TENM3: variants seen among roughly 807,000 people sequenced by gnomAD.
TENM3 encodes the protein teneurin-3.
TENM3 carries 63 observed loss-of-function variants against 255.1 expected under a neutral mutation model. That is an observed-to-expected ratio of 0.25 (90% CI 0.20 to 0.30). The LOEUF is 0.30. Ranked by LOEUF, TENM3 falls within the 10% of genes least tolerant of loss-of-function variation. The pLI is 1.00. For missense variants in TENM3, 2,929 were observed against 3,461.1 expected (o/e 0.85, Z 3.86); for synonymous variants, 1,306 against 1,322.3 (o/e 0.99, Z 0.27).
At chr4:182,325,463 T>C (rs1176429338) in intron 2 of TENM3, among the ~76,000 whole-genome samples, 1 of 152,228 alleles carries the variant, frequency 6.6e-6, no homozygotes, top group African/African-American at 2.4e-5. Context: ...TGGTATCAAA[T>C]TTTATGAAAA....
At chr4:182,493,807 A>G (rs1735515051) in intron 3 of TENM3, among the ~76,000 whole-genome samples, 1 of 152,208 alleles carries the variant, frequency 6.6e-6, no homozygotes, top group Non-Finnish European at 1.5e-5. Context: ...GGAGTTTAAA[A>G]TAAAGTTAAT....
At chr4:182,782,852 G>A (rs1307246804) in intron 24 of TENM3, among the ~76,000 whole-genome samples, 2 of 147,604 alleles carry the variant, frequency 1.4e-5, no homozygotes, top group African/African-American at 2.5e-5. Context: ...TTTAAAGTCT[G>A]TTTTATCAGA....
At chr4:182,489,345 C>A (rs993930432) in intron 3 of TENM3, among the ~76,000 whole-genome samples, 1 of 151,996 alleles carries the variant, frequency 6.6e-6, no homozygotes, top group Non-Finnish European at 1.5e-5. Context: ...ATTATTCTTA[C>A]CAGACAAATA....
At chr4:182,526,265 C>CTTA (rs1739166884) in intron 3 of TENM3, among the ~76,000 whole-genome samples, 1 of 152,068 alleles carries the variant, frequency 6.6e-6, no homozygotes, top group East Asian at 1.9e-4. Context: ...CAGGCGTGAG[C>CTTA]CACCGCGCCC....
At chr4:181,521,264 C>A in the TENM3 span, among the ~76,000 whole-genome samples, 1 of 152,374 alleles carries the variant, frequency 6.6e-6, no homozygotes, top group South Asian at 2.1e-4. Context: ...AGGAGCATGG[C>A]AGCTTCTTCA....
chr4:182,639,942 T>C (rs1752155285), intron 5 of TENM3, among the ~76,000 whole-genome samples: 1 of 151,910 alleles, frequency 6.6e-6, no homozygotes, highest in South Asian at 2.1e-4. Context: ...TACAAAAAAT[T>C]AGCCGGGCGT....
chr4:182,608,936 G>C (rs1748705272), intron 4 of TENM3, among the ~76,000 whole-genome samples: 1 of 152,212 alleles, frequency 6.6e-6, no homozygotes, highest in African/African-American at 2.4e-5. Context: ...CGCCGCAGGA[G>C]CTGCTGTTGG....
chr4:182,213,968 A>AT (rs1173680880), intron 1 of TENM3, among the ~76,000 whole-genome samples: 1 of 151,818 alleles, frequency 6.6e-6, no homozygotes, highest in African/African-American at 2.4e-5. Context: ...CGCCTGGCTA[A>AT]TTTTTTTGTG....
intron 24 of TENM3, among the ~76,000 whole-genome samples, chr4:182,777,227 T>C (rs1764745942): frequency 6.6e-6 from 1 of 152,154 alleles, no homozygotes; most frequent in Admixed American, 6.5e-5. Context: ...TTGCATTATT[T>C]CCTAGCAGAA....
the TENM3 span, among the ~76,000 whole-genome samples, chr4:181,773,462 G>T: frequency 1.3e-5 from 2 of 152,176 alleles, no homozygotes; most frequent in Non-Finnish European, 2.9e-5. Flanking sequence ...GAGTTGAAAT[G>T]CACCTTAAAG....
chr4:182,108,394 G>A, the TENM3 span, among the ~76,000 whole-genome samples: 1 of 152,202 alleles, frequency 6.6e-6, no homozygotes, highest in Non-Finnish European at 1.5e-5. Flanking sequence ...TTTCCTGGAA[G>A]CAAAGACAAC....
At chr4:182,565,737 T>C (rs1743726971) in intron 3 of TENM3, among the ~76,000 whole-genome samples, 1 of 152,204 alleles carries the variant, frequency 6.6e-6, no homozygotes, top group African/African-American at 2.4e-5. Flanking sequence ...GGATTAGACA[T>C]CTACAGCATT....
intron 3 of TENM3, among the ~76,000 whole-genome samples, chr4:182,447,398 G>T (rs1388202179): frequency 6.6e-6 from 1 of 152,222 alleles, no homozygotes; most frequent in Non-Finnish European, 1.5e-5. Context: ...CAAAGAGGTA[G>T]AAGAGCTGTA....
the TENM3 span, among the ~76,000 whole-genome samples, chr4:181,512,192 G>T: frequency 6.6e-6 from 1 of 152,088 alleles, no homozygotes; most frequent in African/African-American, 2.4e-5. Flanking sequence ...CCAGGCTGTG[G>T]TCCCCAGTCT....
At chr4:181,805,617 T>C in the TENM3 span, among the ~76,000 whole-genome samples, 15 of 139,322 alleles carry the variant, frequency 1.1e-4, no homozygotes, top group African/African-American at 3.8e-4. Flanking sequence ...GTGTGTGGTG[T>C]GTGTGTGTAT....
chr4:182,349,309 G>A lies in TENM3; in HGVS notation c.511+2380G>A, dbSNP rs186275424. 1.7e-4 allele frequency among the ~76,000 whole-genome samples: 26 copies of A among 152,240 alleles called. No homozygotes were observed. In the East Asian group the frequency reaches 1.9e-3, roughly 11 times the overall value. On this transcript the variant is annotated intron_variant, in intron 3 of 27. Coordinates refer to ENST00000511685, the MANE Select transcript of TENM3 (RefSeq NM_001080477.4). ...ACAAAAGAGGAAATAAAATAGATAC[G>A]TTGTCTTAATGAATACTGGCTATTG... is the stretch of plus-strand genomic sequence containing the variant.
the TENM3 span, among the ~76,000 whole-genome samples, chr4:181,819,543 G>C: frequency 2.0e-5 from 3 of 152,294 alleles, no homozygotes; most frequent in East Asian, 5.8e-4. Context: ...GTGCCACCTA[G>C]AACAGCAGTG....
intron 1 of TENM3, among the ~76,000 whole-genome samples, chr4:182,252,119 G>C (rs1758054167): frequency 6.6e-6 from 1 of 151,860 alleles, no homozygotes; most frequent in Non-Finnish European, 1.5e-5. Context: ...AGAGGTGGAG[G>C]TTGCAGTGAG....
At chr4:181,897,731 T>A in the TENM3 span, among the ~76,000 whole-genome samples, 1 of 152,330 alleles carries the variant, frequency 6.6e-6, no homozygotes, top group East Asian at 1.9e-4. Context: ...ACAGTTTTTA[T>A]GCTGGCCAGT....
Sources: allele counts gnomAD v4.1 joint callset (sites outside exome capture counted in the v4.1 genomes callset), GRCh38; gene constraint gnomAD v4.1.1; transcripts MANE v1.5; gene names NCBI Gene and HGNC (gene_info 2026-07-23, HGNC 2026-07-21).